FRAS1: variants seen among roughly 807,000 people sequenced by gnomAD.
FRAS1 encodes the protein Fraser extracellular matrix complex subunit 1, also known as extracellular matrix organizing protein FRAS1.
A neutral mutation model predicts 435.2 loss-of-function variants in FRAS1; 290 were observed. That is an observed-to-expected ratio of 0.67 (90% CI 0.61 to 0.73). The LOEUF (loss-of-function observed/expected upper bound fraction) is 0.73, where lower values mean the gene tolerates loss of function less well. Ranked by LOEUF, FRAS1 falls within the 30% of genes least tolerant of loss-of-function variation. FRAS1 has a pLI of 0.00. For synonymous variants in FRAS1, 1,800 were observed against 1,851.0 expected, an observed-to-expected ratio of 0.97 and a Z score of 0.71; for missense variants, 4,860 against 5,001.5, an observed-to-expected ratio of 0.97 and a Z score of 0.85.
At chr4:78,371,077 TTTTC>T (rs1731483245) in intron 23 of FRAS1, among the ~76,000 whole-genome samples, 1 of 144,350 alleles carries the variant, frequency 6.9e-6, no homozygotes, top group Non-Finnish European at 1.5e-5. Flanking sequence ...ACAGAATTTT[TTTTC>T]TGTTTTTTTG....
At chr4:78,343,411 TTCCCTCCCTCCCTCCC>T (rs760601199) in intron 20 of FRAS1, among the ~76,000 whole-genome samples, 9 of 145,720 alleles carry the variant, frequency 6.2e-5, no homozygotes, top group Non-Finnish European at 1.0e-4. Flanking sequence ...ACCAACTGAC[TTCCCTCCCTCCCTCCC>T]TCCCTCCCTC....
chr4:78,409,581 CT>C (rs1265026062), intron 31 of FRAS1, among the ~76,000 whole-genome samples: 1 of 152,126 alleles, frequency 6.6e-6, no homozygotes, highest in Non-Finnish European at 1.5e-5. Context: ...AAACCTGATT[CT>C]TTGAAGATCA....
Position 78,470,133 on chromosome 4 carries a change from G to A in FRAS1, c.7371+42G>A, listed in dbSNP as rs751998478. The A allele has an allele frequency of 7.0e-6, 9 of 1,292,180 alleles. 1 individual carries two copies. In the Admixed American group the frequency reaches 1.3e-4, roughly 18 times the overall value. The allele number at this position is 1,292,180 out of a possible 1,614,324, so 80.0% of individuals were successfully genotyped here. On this transcript the variant is annotated intron_variant, in intron 51 of 73. Coordinates refer to ENST00000512123, the MANE Select transcript of FRAS1 (RefSeq NM_025074.7). ...TGTCATGTTCACACCACCCAACTTG[G>A]GCTACATCCTTCTTCACGACAATGA... is the stretch of plus-strand genomic sequence containing the variant.
intron 30 of FRAS1, among the ~76,000 whole-genome samples, chr4:78,404,397 T>G (rs1733022122): frequency 6.8e-6 from 1 of 147,618 alleles, no homozygotes; most frequent in Admixed American, 6.7e-5. Context: ...AAAGCATAGG[T>G]GAGGTACTAC....
At chr4:78,387,975 C>G (rs1378457068) in intron 29 of FRAS1, among the ~76,000 whole-genome samples, 1 of 152,106 alleles carries the variant, frequency 6.6e-6, no homozygotes, top group Non-Finnish European at 1.5e-5. Context: ...CCTTTTGTCT[C>G]CTGCCTGAGC....
At chr4:78,307,163 T>C (rs754016933) in intron 14 of FRAS1, among the ~76,000 whole-genome samples, 46 of 152,140 alleles carry the variant, frequency 3.0e-4, no homozygotes, top group South Asian at 6.2e-4. Context: ...GGGTGCCTCC[T>C]AGTTAGGCTG....
intron 26 of FRAS1, chr4:78,379,366 A>G (rs1731916276): frequency 4.5e-6 from 1 of 221,912 alleles, no homozygotes; most frequent in Non-Finnish European, 8.7e-6. Flanking sequence ...GGAATGGCCT[A>G]CTCCAGCCAT....
At chr4:78,277,010 A>T (rs1727077965) in intron 9 of FRAS1, among the ~76,000 whole-genome samples, 1 of 152,072 alleles carries the variant, frequency 6.6e-6, no homozygotes, top group African/African-American at 2.4e-5. Context: ...AAGCCTCAGC[A>T]ATGGCATGCA....
At chr4:78,539,734 C>A (rs921044576) in intron 73 of FRAS1, among the ~76,000 whole-genome samples, 1 of 152,134 alleles carries the variant, frequency 6.6e-6, no homozygotes, top group Non-Finnish European at 1.5e-5. Flanking sequence ...TATTGCATCC[C>A]TTTTTGGTTC....
At chr4:78,232,897 A>G (rs1189403414) in intron 2 of FRAS1, among the ~76,000 whole-genome samples, 1 of 152,218 alleles carries the variant, frequency 6.6e-6, no homozygotes, top group Admixed American at 6.5e-5. Flanking sequence ...GAAGAGTCAT[A>G]GTCTGCTGGG....
intron 73 of FRAS1, 145 bp from the exon 74 acceptor site, chr4:78,540,386 A>G (rs896887220): frequency 2.8e-5 from 13 of 471,632 alleles, no homozygotes; most frequent in Non-Finnish European, 3.0e-5. Context: ...TCAGTTCTCT[A>G]TGTATTAGTA....
intron 2 of FRAS1, among the ~76,000 whole-genome samples, chr4:78,138,407 G>C (rs190633800): frequency 6.6e-6 from 1 of 152,256 alleles, no homozygotes; most frequent in Admixed American, 6.5e-5. Context: ...AGAAGATCAG[G>C]GAAAAGTAAC....
chr4:78,121,223 T>A (rs984108505), intron 2 of FRAS1, among the ~76,000 whole-genome samples: 10 of 152,178 alleles, frequency 6.6e-5, no homozygotes, highest in Non-Finnish European at 1.5e-4. Flanking sequence ...ATTTTAAGGA[T>A]AGGAAGAGGT....
chr4:78,245,024 C>G (rs1471464478), intron 3 of FRAS1, among the ~76,000 whole-genome samples: 1 of 152,110 alleles, frequency 6.6e-6, no homozygotes, highest in Non-Finnish European at 1.5e-5. Context: ...AAGGAAATTA[C>G]TTTTACAGAG....
chr4:78,299,220 G>A (rs1180642845), intron 14 of FRAS1, among the ~76,000 whole-genome samples: 1 of 152,174 alleles, frequency 6.6e-6, no homozygotes, highest in East Asian at 1.9e-4. Flanking sequence ...GAAAGTTAAG[G>A]AGAGCTCAGT....
chr4:78,395,642 A>C (rs1217420062), intron 29 of FRAS1, among the ~76,000 whole-genome samples: 1 of 151,984 alleles, frequency 6.6e-6, no homozygotes, highest in Non-Finnish European at 1.5e-5. Context: ...TTTTGACTTC[A>C]AAGCTATTTT....
chr4:78,113,868 A>T (rs749561169), intron 2 of FRAS1, among the ~76,000 whole-genome samples: 1 of 152,266 alleles, frequency 6.6e-6, no homozygotes. Context: ...TTTTGTTGCC[A>T]TTGCTTTTGG....
intron 2 of FRAS1, among the ~76,000 whole-genome samples, chr4:78,085,966 A>C (rs1442299666): frequency 6.6e-6 from 1 of 152,208 alleles, no homozygotes; most frequent in South Asian, 2.1e-4. Context: ...AATCAACAGA[A>C]TATACATTCT....
intron 54 of FRAS1, among the ~76,000 whole-genome samples, chr4:78,476,641 A>G (rs918740260): frequency 2.6e-5 from 4 of 152,230 alleles, no homozygotes; most frequent in Non-Finnish European, 4.4e-5. Flanking sequence ...TTTCAGCTAA[A>G]TGATAAGACG....
Sources: allele counts gnomAD v4.1 joint callset (sites outside exome capture counted in the v4.1 genomes callset), GRCh38; gene constraint gnomAD v4.1.1; transcripts MANE v1.5; gene names NCBI Gene and HGNC (gene_info 2026-07-23, HGNC 2026-07-21).